The following BTRC variants were observed in gnomAD, a reference collection of about 807,000 sequenced individuals.
BTRC encodes the protein F-box/WD repeat-containing protein 1A.
Under a neutral mutation model 85.5 loss-of-function variants are expected in BTRC, and 42 were observed. The observed-to-expected ratio is 0.49, with a 90% CI of 0.38 to 0.64. The LOEUF is 0.64. Among genes scored for constraint, BTRC ranks in the 30% least tolerant of loss-of-function variants. The probability of loss-of-function intolerance (pLI) is 0.00; values close to 1 mark genes in which losing one functional copy is unlikely to be tolerated. For missense variants in BTRC, 594 were observed against 743.5 expected, an observed-to-expected ratio of 0.80 and a Z score of 2.34; for synonymous variants, 255 against 263.3, an observed-to-expected ratio of 0.97 and a Z score of 0.30.
intron 1 of BTRC, among the ~76,000 whole-genome samples, chr10:101,386,493 A>G (rs1190790622): frequency 2.6e-5 from 4 of 152,214 alleles, no homozygotes; most frequent in African/African-American, 9.6e-5. Context: ...CTTTTTTGTG[A>G]TAATTTTAGA....
intron 1 of BTRC, among the ~76,000 whole-genome samples, chr10:101,363,044 T>G (rs1267309488): frequency 1.3e-5 from 2 of 152,192 alleles, no homozygotes; most frequent in Non-Finnish European, 2.9e-5. Context: ...CTGGAACCAG[T>G]TCCCTGCAGC....
chr10:101,378,161 T>G (rs1483780446), intron 1 of BTRC, among the ~76,000 whole-genome samples: 1 of 152,178 alleles, frequency 6.6e-6, no homozygotes, highest in African/African-American at 2.4e-5. Flanking sequence ...AGTAATATAT[T>G]AATTTGGCCC....
chr10:101,440,892 C>A (rs1944662526), intron 2 of BTRC, among the ~76,000 whole-genome samples: 1 of 152,126 alleles, frequency 6.6e-6, no homozygotes, highest in Admixed American at 6.6e-5. Flanking sequence ...AAATATAAGT[C>A]CTGCTCCTTT....
chr10:101,427,113 C>CTTTTTT (rs138285266), intron 1 of BTRC, among the ~76,000 whole-genome samples: 24 of 109,340 alleles, frequency 2.2e-4, no homozygotes, highest in African/African-American at 3.9e-4. Flanking sequence ...TTTTTTCTTT[C>CTTTTTT]TTTTTTTTTT....
At chr10:101,520,431 T>C (rs770821253) in intron 4 of BTRC, among the ~76,000 whole-genome samples, 6 of 152,242 alleles carry the variant, frequency 3.9e-5, no homozygotes, top group Admixed American at 2.0e-4. Flanking sequence ...TTCACTGTTA[T>C]ATTCCTAGTA....
At chr10:101,452,990 T>C (rs2134144293) in intron 2 of BTRC, among the ~76,000 whole-genome samples, 1 of 152,308 alleles carries the variant, frequency 6.6e-6, no homozygotes, top group Non-Finnish European at 1.5e-5. Context: ...TTAAAATTTG[T>C]TTAAACACAC....
chr10:101,450,340 A>G (rs1274439839), intron 2 of BTRC, among the ~76,000 whole-genome samples: 1 of 152,166 alleles, frequency 6.6e-6, no homozygotes, highest in Non-Finnish European at 1.5e-5. Context: ...TAGACTTTTA[A>G]TTAATGGTGA....
intron 2 of BTRC, among the ~76,000 whole-genome samples, chr10:101,448,418 G>A (rs1219585586): frequency 2.6e-5 from 4 of 151,998 alleles, no homozygotes; most frequent in Non-Finnish European, 4.4e-5. Context: ...AGAACTCCAA[G>A]CTAATCTGTT....
intron 2 of BTRC, among the ~76,000 whole-genome samples, chr10:101,455,881 C>T (rs1459932185): frequency 1.3e-5 from 2 of 151,928 alleles, no homozygotes; most frequent in Non-Finnish European, 2.9e-5. Flanking sequence ...GTGGCTTACG[C>T]CTGTAATCCC....
chr10:101,389,744 C>A (rs911128455), intron 1 of BTRC, among the ~76,000 whole-genome samples: 8 of 151,206 alleles, frequency 5.3e-5, no homozygotes, highest in African/African-American at 1.9e-4. Flanking sequence ...TCTGCCTCAG[C>A]CTCTGGAGTA....
At chr10:101,519,986 ACT>A (rs2062079823) in intron 4 of BTRC, among the ~76,000 whole-genome samples, 1 of 151,890 alleles carries the variant, frequency 6.6e-6, no homozygotes, top group Non-Finnish European at 1.5e-5. Context: ...CAAGACTGAA[ACT>A]CTGTCTCAAA....
At chr10:101,462,666 C>G (rs1429183713) in intron 3 of BTRC, among the ~76,000 whole-genome samples, 2 of 121,898 alleles carry the variant, frequency 1.6e-5, no homozygotes, top group Non-Finnish European at 3.4e-5. Context: ...GCAACAAGAG[C>G]AAAACTCCGT....
At chr10:101,417,195 C>T (rs2134042174) in intron 1 of BTRC, among the ~76,000 whole-genome samples, 1 of 152,282 alleles carries the variant, frequency 6.6e-6, no homozygotes, top group East Asian at 1.9e-4. Flanking sequence ...ATTCAAGTTT[C>T]TCTAGTAATC....
At chr10:101,399,948 A>G (rs996335235) in intron 1 of BTRC, among the ~76,000 whole-genome samples, 1 of 152,208 alleles carries the variant, frequency 6.6e-6, no homozygotes, top group African/African-American at 2.4e-5. Flanking sequence ...TCTTAATACT[A>G]ATGTCCTGAG....
chr10:101,419,549 C>T (rs11191002), intron 1 of BTRC, among the ~76,000 whole-genome samples: 49,725 of 151,966 alleles, frequency 0.33, 10,684 homozygotes, highest in East Asian at 0.67. Context: ...ACTGGGTCAC[C>T]GCCAGGTCTG....
At chr10:101,393,143 GCTT>G (rs1256595465) in intron 1 of BTRC, among the ~76,000 whole-genome samples, 1 of 152,170 alleles carries the variant, frequency 6.6e-6, no homozygotes, top group Non-Finnish European at 1.5e-5. Flanking sequence ...GGTTTGGAAA[GCTT>G]CTGGATAGCT....
chr10:101,396,581 A>G (rs1043018604), intron 1 of BTRC, among the ~76,000 whole-genome samples: 3 of 151,932 alleles, frequency 2.0e-5, no homozygotes, highest in Admixed American at 6.6e-5. Context: ...GTGGTATAGA[A>G]CTATTTTCAT....
intron 2 of BTRC, among the ~76,000 whole-genome samples, chr10:101,455,983 A>AAAACACACACACACACAC (rs1554881059): frequency 1.0e-5 from 1 of 96,000 alleles, no homozygotes; most frequent in African/African-American, 4.6e-5. Context: ...CTCTACTAAA[A>AAAACACACACACACACAC]ACACACACAC....
At chr10:101,397,328 C>T (rs1471229908) in intron 1 of BTRC, among the ~76,000 whole-genome samples, 1 of 152,132 alleles carries the variant, frequency 6.6e-6, no homozygotes, top group African/African-American at 2.4e-5. Flanking sequence ...TCATGGCAAC[C>T]ACAGTTGTGG....
Sources: gnomAD v4.1 joint callset for allele counts (sites outside exome capture counted in the v4.1 genomes callset) on GRCh38, gnomAD v4.1.1 for gene constraint, MANE v1.5 for transcripts, NCBI Gene and HGNC (gene_info 2026-07-23, HGNC 2026-07-21) for gene names.